The following DNM1L variants were observed in gnomAD, a reference collection of about 807,000 sequenced individuals.
The protein encoded by DNM1L is dynamin 1L.
Under a neutral mutation model 92.8 loss-of-function variants are expected in DNM1L, and 33 were observed. The observed-to-expected ratio is 0.36, with a 90% CI of 0.27 to 0.48. The LOEUF (loss-of-function observed/expected upper bound fraction) is 0.48, where lower values mean the gene tolerates loss of function less well. DNM1L is among the 20% of genes least tolerant of loss of function. The probability of loss-of-function intolerance (pLI) is 0.99; values close to 1 mark genes in which losing one functional copy is unlikely to be tolerated. For synonymous variants in DNM1L, 284 were observed against 305.0 expected (o/e 0.93, Z 0.72); for missense variants, 485 against 888.8 (o/e 0.55, Z 5.78).
intron 6 of DNM1L, among the ~76,000 whole-genome samples, chr12:32,716,623 A>G (rs564106577): frequency 1.1e-4 from 17 of 151,760 alleles, no homozygotes; most frequent in Middle Eastern, 3.4e-3. Flanking sequence ...CTGGATGTAA[A>G]TTTTATACAG....
chr12:32,717,830 G>A (rs188188741), intron 6 of DNM1L, among the ~76,000 whole-genome samples: 1 of 106,352 alleles, frequency 9.4e-6, no homozygotes, highest in Admixed American at 1.3e-4. Flanking sequence ...AATATATATA[G>A]TATATACTAT....
chr12:32,723,708 A>G (rs868620688), intron 9 of DNM1L, among the ~76,000 whole-genome samples: 1 of 151,672 alleles, frequency 6.6e-6, no homozygotes, highest in Admixed American at 6.6e-5. Flanking sequence ...AAAAAAAAAA[A>G]AAAAAACAGG....
chr12:32,715,910 G>A (rs1333497164), intron 6 of DNM1L, among the ~76,000 whole-genome samples: 1 of 152,186 alleles, frequency 6.6e-6, no homozygotes, highest in Non-Finnish European at 1.5e-5. Context: ...ACCATGTTAA[G>A]TGAGAACCAG....
chr12:32,722,340 GT>G, intron 8 of DNM1L, 86 bp from the exon 9 acceptor site: 2 of 1,080,658 alleles, frequency 1.9e-6, no homozygotes, highest in Admixed American at 1.9e-5. Flanking sequence ...TATTTGATAG[GT>G]TTTCCCCATT....
intron 1 of DNM1L, among the ~76,000 whole-genome samples, chr12:32,694,957 G>T (rs937308293): frequency 2.6e-5 from 4 of 152,118 alleles, no homozygotes; most frequent in Admixed American, 2.6e-4. Context: ...GGGATCAGTT[G>T]TAAAGTCTGA....
chr12:32,699,683 A>G (rs1188610618), intron 1 of DNM1L, among the ~76,000 whole-genome samples: 3 of 151,108 alleles, frequency 2.0e-5, no homozygotes, highest in Non-Finnish European at 2.9e-5. Context: ...AATCTCAGCT[A>G]CTTGGGAGGC....
chr12:32,719,798 C>G (rs137981288), intron 7 of DNM1L, among the ~76,000 whole-genome samples: 2 of 152,282 alleles, frequency 1.3e-5, no homozygotes, highest in Non-Finnish European at 2.9e-5. Flanking sequence ...GGAATCCTCA[C>G]AGCATCCCCT....
At position 32,731,201 on chromosome 12, in the gene DNM1L, G is replaced by A. The variant is rs767329318; in HGVS notation, c.1200+67G>A. 6.2e-6 allele frequency: 10 copies of A among 1,604,026 alleles called. No individual in the cohort carries two copies. Among genetic ancestry groups the A allele is most frequent in the Non-Finnish European group, 8.5e-6 (10 of 1,174,346 alleles). ...TTAAAGTTTTTCTTACCCATATACT[G>A]TGTCTTTTTAAATTTAATTATACAG... On this transcript the variant is annotated intron_variant, in intron 10 of 19. Coordinates refer to ENST00000549701, the MANE Select transcript of DNM1L (RefSeq NM_012062.5). The surrounding 1 kb of genome is among the most constrained non-coding windows in gnomAD (Gnocchi z 5.1).
chr12:32,681,565 G>A (rs1201670929), intron 1 of DNM1L, among the ~76,000 whole-genome samples: 3 of 64,740 alleles, frequency 4.6e-5, no homozygotes, highest in East Asian at 8.6e-4. Flanking sequence ...TCCCCACACC[G>A]CCCCCCCCGC....
rs1243683772 is a variant in DNM1L at position 32,723,714 on chromosome 12, A to C, written c.1079+1081A>C. On this transcript the variant is annotated intron_variant, in intron 9 of 19. Transcript: ENST00000549701. ...GTCTCAAAAAAAAAAAAAAAAAAAA[A>C]CAGGGATTCTATCTTTAAAGTTCAG... Among the ~76,000 whole-genome samples the C allele has an allele frequency of 6.0e-5, 9 of 151,010 alleles. No homozygotes were observed. The East Asian group carries it at 9.7e-4, about 16-fold the overall frequency.
chr12:32,733,049 G>A (rs542557231), intron 12 of DNM1L, among the ~76,000 whole-genome samples: 3 of 152,328 alleles, frequency 2.0e-5, no homozygotes, highest in South Asian at 2.1e-4. Flanking sequence ...GCGGTGAGCC[G>A]AGATCGCGCC....
chr12:32,732,020 G>A, intron 12 of DNM1L, 77 bp downstream of exon 12: 1 of 1,028,962 alleles, frequency 9.7e-7, no homozygotes. Flanking sequence ...TTTTTAATAA[G>A]CATTATATGG....
rs960791075 is a variant in DNM1L at position 32,692,915 on chromosome 12, T to C, written c.103-8500T>C. The C allele has an allele frequency of 3.3e-5, 5 of 152,262 alleles. No individual in the cohort carries two copies. The East Asian group carries it at 7.7e-4, about 23-fold the overall frequency. 9.4% of individuals were successfully genotyped at this position (152,262 alleles called of 1,614,324 possible). On this transcript the variant is annotated intron_variant, in intron 1 of 19. Transcript: ENST00000549701. ...CATATAATCCCAGTTTGTTCACTTA[T>C]ACTGCTATATAATGGTCCATTATAG...
chr12:32,732,799 A>C (rs1483819727), intron 12 of DNM1L, among the ~76,000 whole-genome samples: 1 of 152,144 alleles, frequency 6.6e-6, no homozygotes, highest in Non-Finnish European at 1.5e-5. Flanking sequence ...GCTCAAGTTT[A>C]TTCTCTCTGT....
intron 14 of DNM1L, 177 bp downstream of exon 14, chr12:32,737,338 A>G (rs1775493226): frequency 1.7e-6 from 1 of 601,702 alleles, no homozygotes; most frequent in Non-Finnish European, 2.9e-6. Context: ...TAAAGATAAT[A>G]GTATTTTGAA....
chr12:32,685,604 C>G (rs536346194), intron 1 of DNM1L, among the ~76,000 whole-genome samples: 42 of 152,020 alleles, frequency 2.8e-4, no homozygotes, highest in African/African-American at 9.6e-4. Context: ...CTCAAATGAT[C>G]CACCCACCTC....
intron 1 of DNM1L, among the ~76,000 whole-genome samples, chr12:32,700,283 C>A (rs965827853): frequency 1.3e-5 from 2 of 152,006 alleles, no homozygotes; most frequent in Non-Finnish European, 2.9e-5. Context: ...CCACACCCAG[C>A]TAATTTTTGT....
Position 32,731,530 on chromosome 12 carries a change from A to ATTTTTTATTTTTATTAGAGAT in DNM1L, c.1356+19_1356+20insTTTTTTATTTTTATTAGAGAT. The ATTTTTTATTTTTATTAGAGAT allele has an allele frequency of 6.2e-7, 1 of 1,613,598 alleles. No homozygotes were observed. Among genetic ancestry groups the ATTTTTTATTTTTATTAGAGAT allele is most frequent in the Non-Finnish European group, 8.5e-7 (1 of 1,179,938 alleles). On this transcript the variant is annotated intron_variant, in intron 11 of 19. Transcript: ENST00000549701. This position sits in a 1 kb window ranked among gnomAD's most constrained non-coding sequence, Gnocchi z 5.1. ...TACACAGGTAACGGAGAGAAATGTAACAGGTTTCACATGAACTAGAAAAGG... is the reference window on the plus strand; with the variant it reads ...TACACAGGTAACGGAGAGAAATGTAATTTTTTATTTTTATTAGAGATCAGGTTTCACATGAACTAGAAAAGG...
At chr12:32,738,396 A>G in intron 16 of DNM1L, 100 bp downstream of exon 16, 1 of 1,288,400 alleles carries the variant, frequency 7.8e-7, no homozygotes, top group Non-Finnish European at 1.1e-6. Flanking sequence ...AGTGGTATCT[A>G]TCTCTTGTCT....
Sources: allele counts gnomAD v4.1 joint callset (sites outside exome capture counted in the v4.1 genomes callset), GRCh38; gene constraint gnomAD v4.1.1; non-coding constraint Gnocchi (gnomAD v3.1); transcripts MANE v1.5; gene names NCBI Gene and HGNC (gene_info 2026-07-23, HGNC 2026-07-21).